SRGAP1: variants seen among roughly 807,000 people sequenced by gnomAD.
SRGAP1 encodes SLIT-ROBO Rho GTPase activating protein 1, also known as SLIT-ROBO Rho GTPase-activating protein 1.
In SRGAP1, 43 loss-of-function variants were observed where a neutral mutation model predicts 121.9. That is an observed-to-expected ratio of 0.35 (90% CI 0.28 to 0.46). The LOEUF is 0.46. SRGAP1 is among the 20% of genes least tolerant of loss of function. SRGAP1 has a pLI of 1.00. For synonymous variants in SRGAP1, 447 were observed against 485.4 expected (o/e 0.92, Z 1.04); for missense variants, 1,102 against 1,350.9 (o/e 0.82, Z 2.89).
intron 6 of SRGAP1, among the ~76,000 whole-genome samples, chr12:64,050,128 G>A (rs1353404135): frequency 6.6e-6 from 1 of 151,896 alleles, no homozygotes; most frequent in South Asian, 2.1e-4. Flanking sequence ...TTATTCCTAG[G>A]TATCTTTTTA....
intron 19 of SRGAP1, among the ~76,000 whole-genome samples, chr12:64,126,751 A>C (rs1413848496): frequency 6.6e-6 from 1 of 152,230 alleles, no homozygotes; most frequent in Non-Finnish European, 1.5e-5. Context: ...GCCTAATTTC[A>C]GAAATGTTAA....
At chr12:63,985,254 A>G (rs2033383050) in intron 2 of SRGAP1, among the ~76,000 whole-genome samples, 1 of 152,178 alleles carries the variant, frequency 6.6e-6, no homozygotes, top group Non-Finnish European at 1.5e-5. Context: ...GGCAAGGGAA[A>G]CATCATGGGC....
intron 21 of SRGAP1, among the ~76,000 whole-genome samples, chr12:64,139,663 T>C (rs2136651966): frequency 6.6e-6 from 1 of 152,086 alleles, no homozygotes; most frequent in Admixed American, 6.5e-5. Flanking sequence ...ATGAGTAGGT[T>C]GCGAAAATTT....
At chr12:63,864,827 A>G (rs1899569198) in intron 1 of SRGAP1, among the ~76,000 whole-genome samples, 1 of 152,184 alleles carries the variant, frequency 6.6e-6, no homozygotes, top group Admixed American at 6.5e-5. Context: ...GGAAATCCAA[A>G]TAAAGGATGA....
Position 64,147,688 on chromosome 12 carries a change from G to GA in SRGAP1, c.*5024dup, listed in dbSNP as rs1024021842. 54 of 398,254 alleles carry GA rather than the reference G, an allele frequency of 1.4e-4. No individual in the cohort carries two copies. In the East Asian group the frequency reaches 1.8e-3, roughly 13 times the overall value. 24.7% of individuals were successfully genotyped at this position (398,254 alleles called of 1,614,324 possible). ...GGGGGATGCTTTTACAGTCTGGAAA[G>GA]AAAAAAAATGTTTTGTTAATCTGTT... On this transcript the variant is annotated 3_prime_UTR_variant, in exon 22 of 22. Transcript: ENST00000355086.
intron 6 of SRGAP1, among the ~76,000 whole-genome samples, chr12:64,062,573 G>A (rs1424751366): frequency 6.6e-6 from 1 of 151,554 alleles, no homozygotes; most frequent in Non-Finnish European, 1.5e-5. Context: ...CTGGAGTGCA[G>A]TGGCACTATC....
intron 1 of SRGAP1, among the ~76,000 whole-genome samples, chr12:63,885,765 G>A (rs1900359070): frequency 6.6e-6 from 1 of 152,176 alleles, no homozygotes; most frequent in African/African-American, 2.4e-5. Flanking sequence ...CCTGATGCCT[G>A]AAGTGCCCCA....
At chr12:64,116,644 A>G (rs923510953) in intron 18 of SRGAP1, among the ~76,000 whole-genome samples, 5 of 152,094 alleles carry the variant, frequency 3.3e-5, no homozygotes, top group African/African-American at 4.8e-5. Context: ...TTCTTGATGA[A>G]TATGTCAGGT....
chr12:64,056,512 C>T (rs2035343898), intron 6 of SRGAP1, among the ~76,000 whole-genome samples: 2 of 135,940 alleles, frequency 1.5e-5, no homozygotes, highest in Non-Finnish European at 3.0e-5. Flanking sequence ...GAGATCATGC[C>T]ATTGCACTCC....
At chr12:63,994,210 C>A (rs2033631118) in intron 3 of SRGAP1, among the ~76,000 whole-genome samples, 1 of 152,116 alleles carries the variant, frequency 6.6e-6, no homozygotes, top group Non-Finnish European at 1.5e-5. Context: ...TATCTAATAT[C>A]TTTATTATTA....
At chr12:64,108,467 T>C (rs1343313528) in intron 15 of SRGAP1, among the ~76,000 whole-genome samples, 4 of 152,188 alleles carry the variant, frequency 2.6e-5, no homozygotes, top group African/African-American at 9.7e-5. Context: ...ATAAGTAAAA[T>C]GCAGTGGTAA....
chr12:63,982,246 GA>G lies in SRGAP1; in HGVS notation c.68-1691del, dbSNP rs533499882. Reference sequence around the variant, plus strand: ...CAAAAACAAAAACAAAAAAAAGAAAGAAAAAAAAAACAAGGATGGGAAGTGT... The same window carrying G: ...CAAAAACAAAAACAAAAAAAAGAAAGAAAAAAAAACAAGGATGGGAAGTGT... On this transcript the variant is annotated intron_variant, in intron 1 of 21. Transcript: ENST00000355086. Among the ~76,000 whole-genome samples the G allele has an allele frequency of 9.0e-3, 1,300 of 144,300 alleles. 17 individuals are homozygous for G. Among genetic ancestry groups the G allele is most frequent in the African/African-American group, 0.031 (1,231 of 39,292 alleles). The allele number at this position is 144,300 out of a possible 152,430, so 94.7% of individuals were successfully genotyped here.
intron 6 of SRGAP1, among the ~76,000 whole-genome samples, chr12:64,056,305 C>T (rs1331891772): frequency 6.6e-6 from 1 of 152,014 alleles, no homozygotes. Context: ...TCCAAAAATC[C>T]ATTCTCTTCC....
At chr12:64,017,093 C>T (rs565117652) in intron 4 of SRGAP1, 81 bp downstream of exon 4, 29 of 785,524 alleles carry the variant, frequency 3.7e-5, no homozygotes, top group African/African-American at 3.7e-4. Context: ...TTGTAGTATT[C>T]ATTCCAAGCC....
intron 1 of SRGAP1, among the ~76,000 whole-genome samples, chr12:63,979,425 T>TA (rs1290329021): frequency 6.6e-6 from 1 of 152,146 alleles, no homozygotes; most frequent in Non-Finnish European, 1.5e-5. Context: ...TTATCAGACA[T>TA]ATGATTTGTG....
intron 1 of SRGAP1, among the ~76,000 whole-genome samples, chr12:63,864,309 A>G (rs1899551781): frequency 6.6e-6 from 1 of 152,214 alleles, no homozygotes; most frequent in Non-Finnish European, 1.5e-5. Context: ...TTTTATTATC[A>G]TTGTGGTTAT....
At chr12:63,989,309 G>A (rs2033494416) in intron 2 of SRGAP1, among the ~76,000 whole-genome samples, 1 of 152,154 alleles carries the variant, frequency 6.6e-6, no homozygotes, top group Admixed American at 6.5e-5. Flanking sequence ...CATGTGACAA[G>A]TCATAAGCCA....
chr12:63,852,048 C>A (rs1249871494), intron 1 of SRGAP1, among the ~76,000 whole-genome samples: 5 of 152,122 alleles, frequency 3.3e-5, no homozygotes, highest in African/African-American at 1.2e-4. Context: ...GCACAGTGGC[C>A]CAATCTCGGC....
intron 8 of SRGAP1, among the ~76,000 whole-genome samples, chr12:64,076,730 T>C (rs865824833): frequency 6.6e-6 from 1 of 152,120 alleles, no homozygotes; most frequent in African/African-American, 2.4e-5. Context: ...CACTGCACCC[T>C]CTGCCTCCTG....
Sources: allele counts gnomAD v4.1 joint callset (sites outside exome capture counted in the v4.1 genomes callset), GRCh38; gene constraint gnomAD v4.1.1; transcripts MANE v1.5; gene names NCBI Gene and HGNC (gene_info 2026-07-23, HGNC 2026-07-21).